ITGA8: variants seen among roughly 807,000 people sequenced by gnomAD.
The protein encoded by ITGA8 is integrin subunit alpha 8, also known as integrin alpha-8.
ITGA8 carries 91 observed loss-of-function variants against 142.3 expected under a neutral mutation model. The ratio of observed to expected loss-of-function variants is 0.64; its 90% CI spans 0.54 to 0.76. ITGA8 has a LOEUF of 0.76. Ranked by LOEUF, ITGA8 falls within the 30% of genes least tolerant of loss-of-function variation. The probability of loss-of-function intolerance (pLI) is 0.00; values close to 1 mark genes in which losing one functional copy is unlikely to be tolerated. For synonymous variants in ITGA8, 505 were observed against 485.2 expected (o/e 1.04, Z -0.54); for missense variants, 1,406 against 1,327.7 (o/e 1.06, Z -0.92).
intron 8 of ITGA8, among the ~76,000 whole-genome samples, chr10:15,662,326 CTTTTTTTTTTTTTTTTT>C (rs200922550): frequency 1.4e-5 from 1 of 72,716 alleles, no homozygotes; most frequent in Non-Finnish European, 2.4e-5. Flanking sequence ...TCAGAAGGTC[CTTTTTTTTTTTTTTTTT>C]TTTTTTTTTT....
chr10:15,592,449 A>T (rs1205713565), intron 21 of ITGA8, 145 bp from the exon 22 acceptor site: 5 of 638,860 alleles, frequency 7.8e-6, no homozygotes, highest in African/African-American at 5.5e-5. Flanking sequence ...GAGCCAAGAG[A>T]AGTCATGCAA....
At chr10:15,539,665 T>C (rs1344105655) in intron 27 of ITGA8, among the ~76,000 whole-genome samples, 1 of 152,234 alleles carries the variant, frequency 6.6e-6, no homozygotes, top group Non-Finnish European at 1.5e-5. Context: ...TTATTTTTAC[T>C]GATATCTATT....
chr10:15,655,712 CT>C (rs1301916845), intron 10 of ITGA8, among the ~76,000 whole-genome samples: 5 of 152,170 alleles, frequency 3.3e-5, no homozygotes, highest in Non-Finnish European at 7.4e-5. Flanking sequence ...TCCATAACTT[CT>C]AGCACTTAAT....
At chr10:15,666,688 G>A (rs1315061198) in intron 8 of ITGA8, among the ~76,000 whole-genome samples, 1 of 152,080 alleles carries the variant, frequency 6.6e-6, no homozygotes, top group African/African-American at 2.4e-5. Flanking sequence ...TTTGAGATAT[G>A]TCCCATCAAT....
intron 22 of ITGA8, among the ~76,000 whole-genome samples, chr10:15,591,389 C>A (rs891586122): frequency 1.4e-5 from 2 of 146,806 alleles, no homozygotes; most frequent in Non-Finnish European, 3.0e-5. Flanking sequence ...AGGAATATTT[C>A]ATGAGCTGTA....
Position 15,575,499 on chromosome 10 carries a change from T to C in ITGA8, c.2468A>G (p.His823Arg), listed in dbSNP as rs753473013. The change falls in exon 24 of 30, where the codon CAT becomes CGT. Residue 823 changes from histidine to arginine, a missense_variant. By Grantham distance (29) the His-to-Arg change is conservative. Coordinates refer to ENST00000378076, the MANE Select transcript of ITGA8 (RefSeq NM_003638.3). ...KEEEVGPLVE[H>R]IYELHNIGPS... ...ACAGACAATGGCTACCTCATAAATATGTTCCACCAATGGTCCAACCTCCTC... is the reference window on the plus strand; with the variant it reads ...ACAGACAATGGCTACCTCATAAATACGTTCCACCAATGGTCCAACCTCCTC... 6.2e-7 allele frequency: 1 copy of C among 1,612,020 alleles called. No homozygotes were observed. The highest frequency in any genetic ancestry group is 2.2e-5 in the East Asian group (1 of 44,856).
In ITGA8 at chr10:15,606,425, A is replaced by T. The variant is rs1833198309; in HGVS notation, c.1765-3T>A. 1.3e-6 allele frequency: 2 copies of T among 1,585,594 alleles called. No individual in the cohort carries two copies. The highest frequency in any genetic ancestry group is 2.7e-5 in the African/African-American group (2 of 74,488). On this transcript the variant is annotated splice_region_variant and splice_polypyrimidine_tract_variant and intron_variant, in intron 17 of 29. Transcript: ENST00000378076. ...TTATCTCGGAATTCAGTTTCATCCT[A>T]GGAAAAATAATCACAAACTCAACAG...
intron 1 of ITGA8, 37 bp downstream of exon 1, chr10:15,719,526 C>T: frequency 6.7e-7 from 1 of 1,499,828 alleles, no homozygotes; most frequent in African/African-American, 1.5e-5. Flanking sequence ...GGAGCGCCTT[C>T]GTCCCCGCGC....
chr10:15,635,383 G>C (rs1833756354), intron 13 of ITGA8, among the ~76,000 whole-genome samples: 1 of 152,176 alleles, frequency 6.6e-6, no homozygotes, highest in Non-Finnish European at 1.5e-5. Flanking sequence ...AGGAAATCTA[G>C]ATCTGGGATG....
At chr10:15,582,423 A>G (rs1834425612) in intron 23 of ITGA8, among the ~76,000 whole-genome samples, 1 of 152,256 alleles carries the variant, frequency 6.6e-6, no homozygotes, top group Admixed American at 6.5e-5. Context: ...AACACAAAAC[A>G]TTAAAAAATC....
chr10:15,560,397 A>ATAATTATT (rs1833954364), intron 25 of ITGA8, among the ~76,000 whole-genome samples: 1 of 152,218 alleles, frequency 6.6e-6, no homozygotes, highest in East Asian at 1.9e-4. Flanking sequence ...TAACAAATGG[A>ATAATTATT]TAATTATTTA....
At chr10:15,561,245 A>ATATATATATATATATATATATG (rs1554772750) in intron 25 of ITGA8, among the ~76,000 whole-genome samples, 3 of 133,840 alleles carry the variant, frequency 2.2e-5, no homozygotes, top group African/African-American at 8.7e-5. Flanking sequence ...GTATATATAT[A>ATATATATATATATATATATATG]TATATATATG....
rs560024821 is a variant in ITGA8, at chr10:15,614,881, C to T, written c.1446-1114G>A. ...CTCCTTGGAAAAGCAGGTGATAAAA[C>T]GGAACTAGATATGCAAGAGATATAC... On this transcript the variant is annotated intron_variant, in intron 14 of 29. Transcript: ENST00000378076. Among the ~76,000 whole-genome samples the T allele has an allele frequency of 2.2e-4, 34 of 152,106 alleles. No homozygotes were observed. The South Asian group carries it at 4.6e-3, about 20-fold the overall frequency.
At chr10:15,661,418 G>T (rs988158050) in intron 8 of ITGA8, among the ~76,000 whole-genome samples, 7 of 152,182 alleles carry the variant, frequency 4.6e-5, no homozygotes, top group African/African-American at 1.7e-4. Flanking sequence ...TGATGTAGAG[G>T]GTTGGAAGTT....
At chr10:15,542,264 A>G (rs1038407418) in intron 27 of ITGA8, among the ~76,000 whole-genome samples, 2 of 152,248 alleles carry the variant, frequency 1.3e-5, no homozygotes, top group African/African-American at 2.4e-5. Context: ...GTGCTGCTGC[A>G]TAGAACTTTC....
intron 11 of ITGA8, among the ~76,000 whole-genome samples, chr10:15,648,580 A>G (rs892447504): frequency 6.6e-6 from 1 of 151,844 alleles, no homozygotes; most frequent in Non-Finnish European, 1.5e-5. Context: ...GTATAAAAAT[A>G]TATCTTACTA....
At chr10:15,557,750 A>G (rs891716349) in intron 26 of ITGA8, among the ~76,000 whole-genome samples, 1 of 152,166 alleles carries the variant, frequency 6.6e-6, no homozygotes, top group African/African-American at 2.4e-5. Context: ...TCAAACTACC[A>G]CAGCCCAGCA....
At chr10:15,579,596 A>C (rs1424936304) in intron 23 of ITGA8, among the ~76,000 whole-genome samples, 1 of 152,102 alleles carries the variant, frequency 6.6e-6, no homozygotes, top group African/African-American at 2.4e-5. Context: ...TTAATTGTAA[A>C]TTTTGAAAAG....
At chr10:15,584,105 T>C (rs1834467124) in intron 23 of ITGA8, among the ~76,000 whole-genome samples, 1 of 152,160 alleles carries the variant, frequency 6.6e-6, no homozygotes, top group African/African-American at 2.4e-5. Context: ...GAGACCAGCC[T>C]GGCCAACATG....
Sources: gnomAD v4.1 joint callset for allele counts (sites outside exome capture counted in the v4.1 genomes callset) on GRCh38, gnomAD v4.1.1 for gene constraint, MANE v1.5 for transcripts, NCBI Gene and HGNC (gene_info 2026-07-23, HGNC 2026-07-21) for gene names.